ANKHD1: variants seen among roughly 807,000 people sequenced by gnomAD.
ANKHD1 encodes ankyrin repeat and KH domain containing 1.
In ANKHD1, 31 loss-of-function variants were observed where a neutral mutation model predicts 230.5. The observed-to-expected ratio is 0.13, with a 90% CI of 0.10 to 0.18. The LOEUF (loss-of-function observed/expected upper bound fraction) is 0.18, where lower values mean the gene tolerates loss of function less well. Among genes scored for constraint, ANKHD1 ranks in the 10% least tolerant of loss-of-function variants. The pLI, the probability that ANKHD1 is intolerant of heterozygous loss-of-function variation, is 1.00. For synonymous variants in ANKHD1, 1,074 were observed against 1,117.6 expected (o/e 0.96, Z 0.78); for missense variants, 2,256 against 3,071.3 (o/e 0.73, Z 6.27).
At chr5:140,449,819 G>A (rs898664719) in intron 7 of ANKHD1, among the ~76,000 whole-genome samples, 5 of 152,142 alleles carry the variant, frequency 3.3e-5, no homozygotes, top group Admixed American at 6.5e-5. Flanking sequence ...TAATTCTGGA[G>A]ATAGTAGACA....
rs537559397 is a variant in ANKHD1 at position 140,527,455 on chromosome 5, A to G, written c.5087+381A>G. The G allele has an allele frequency of 4.6e-6, 1 of 219,314 alleles. No individual in the cohort carries two copies. 13.6% of individuals were successfully genotyped at this position (219,314 alleles called of 1,614,324 possible). ...GAGGCTTTATTTTTTATTGCTAAGTATGAGCTGTTGATACTGGTTTAAAAT... is the reference window on the plus strand; with the variant it reads ...GAGGCTTTATTTTTTATTGCTAAGTGTGAGCTGTTGATACTGGTTTAAAAT... On this transcript the variant is annotated intron_variant, in intron 27 of 33. Coordinates refer to ENST00000360839, the MANE Select transcript of ANKHD1 (RefSeq NM_017747.3). This position sits in a 1 kb window ranked among gnomAD's most constrained non-coding sequence, Gnocchi z 4.5.
intron 15 of ANKHD1, among the ~76,000 whole-genome samples, chr5:140,502,918 T>C (rs1205053875): frequency 6.6e-6 from 1 of 152,202 alleles, no homozygotes; most frequent in East Asian, 1.9e-4. Context: ...GTTATTTATG[T>C]GATGACAGAA....
chr5:140,517,131 G>T (rs1753059356), intron 24 of ANKHD1, among the ~76,000 whole-genome samples: 2 of 146,916 alleles, frequency 1.4e-5, no homozygotes, highest in Non-Finnish European at 3.0e-5. Context: ...AAAGGCAGGG[G>T]TTGCAATCCT....
At chr5:140,478,180 G>A (rs1751070182) in intron 10 of ANKHD1, among the ~76,000 whole-genome samples, 1 of 151,890 alleles carries the variant, frequency 6.6e-6, no homozygotes, top group South Asian at 2.1e-4. Flanking sequence ...ATATTCTATG[G>A]TATAGAATGA....
At chr5:140,452,284 A>G (rs1774810795) in intron 7 of ANKHD1, among the ~76,000 whole-genome samples, 1 of 152,202 alleles carries the variant, frequency 6.6e-6, no homozygotes, top group African/African-American at 2.4e-5. Context: ...TGTAGACTCC[A>G]CCTCTGGGGG....
At chr5:140,407,830 G>A (rs1581198025) in intron 1 of ANKHD1, among the ~76,000 whole-genome samples, 1 of 152,048 alleles carries the variant, frequency 6.6e-6, no homozygotes, top group Non-Finnish European at 1.5e-5. Flanking sequence ...GAATGTGTGT[G>A]TATATGTGTG....
At chr5:140,520,480 G>A (rs1314910608) in intron 24 of ANKHD1, among the ~76,000 whole-genome samples, 9 of 152,056 alleles carry the variant, frequency 5.9e-5, no homozygotes, top group South Asian at 4.2e-4. Flanking sequence ...ACATGCACAC[G>A]TATGTTTATT....
At chr5:140,482,425 C>T (rs1025937502) in intron 10 of ANKHD1, among the ~76,000 whole-genome samples, 155 bp from the exon 11 acceptor site, 1 of 152,114 alleles carries the variant, frequency 6.6e-6, no homozygotes, top group African/African-American at 2.4e-5. Context: ...GACTGAAAAT[C>T]CTGTATAATG....
chr5:140,478,330 TAAAAC>T (rs1348069564), intron 10 of ANKHD1, among the ~76,000 whole-genome samples: 1 of 148,870 alleles, frequency 6.7e-6, no homozygotes, highest in Non-Finnish European at 1.5e-5. Context: ...CCAAAACAGA[TAAAAC>T]AAGCAAGCAA....
chr5:140,524,280 T>C, intron 25 of ANKHD1, 40 bp downstream of exon 25: 2 of 1,524,758 alleles, frequency 1.3e-6, no homozygotes, highest in Non-Finnish European at 1.7e-6. Flanking sequence ...AAAATTCTCC[T>C]TTGTTTATCA....
At chr5:140,522,803 G>T (rs1394760372) in intron 24 of ANKHD1, among the ~76,000 whole-genome samples, 2 of 152,100 alleles carry the variant, frequency 1.3e-5, no homozygotes, top group Admixed American at 6.5e-5. Context: ...GTGTATGAAG[G>T]TTTCAATTTC....
chr5:140,449,374 AG>A (rs1774527116), intron 7 of ANKHD1, 69 bp downstream of exon 7: 4 of 1,534,252 alleles, frequency 2.6e-6, no homozygotes, highest in Non-Finnish European at 2.7e-6. Context: ...AGCCTTTAAG[AG>A]TGATTAATTG....
chr5:140,444,310 A>C (rs1774105429), intron 5 of ANKHD1, among the ~76,000 whole-genome samples: 1 of 152,138 alleles, frequency 6.6e-6, no homozygotes, highest in South Asian at 2.1e-4. Flanking sequence ...AGGAAATTGC[A>C]TCATCTTCTC....
chr5:140,415,836 C>A (rs1771330078), intron 1 of ANKHD1, among the ~76,000 whole-genome samples: 1 of 151,422 alleles, frequency 6.6e-6, no homozygotes, highest in Non-Finnish European at 1.5e-5. Flanking sequence ...TGTGCACAAC[C>A]TGCAGGTTTG....
chr5:140,419,810 C>CTTTCTT (rs1771764454), intron 1 of ANKHD1, among the ~76,000 whole-genome samples: 1 of 136,286 alleles, frequency 7.3e-6, no homozygotes, highest in South Asian at 2.4e-4. Context: ...TTCTTTCTTT[C>CTTTCTT]TTTCTTTCTT....
At chr5:140,496,384 C>A in intron 14 of ANKHD1, 136 bp from the exon 15 acceptor site, 1 of 885,118 alleles carries the variant, frequency 1.1e-6, no homozygotes, top group Non-Finnish European at 1.6e-6. Context: ...CATTCTATAA[C>A]ATTAGTTATA....
Position 140,496,528 on chromosome 5 carries a change from A to G in ANKHD1, c.2254A>G (p.Lys752Glu), listed in dbSNP as rs1182508010. The G allele has an allele frequency of 1.9e-6, 3 of 1,576,376 alleles. No homozygotes were observed. The highest frequency in any genetic ancestry group is 1.4e-5 in the African/African-American group (1 of 69,958). The change falls in exon 15 of 34, where the codon AAG becomes GAG. Residue 752 changes from lysine (K) to glutamate (E), a missense_variant. Transcript: ENST00000360839. ...ATTTTTCATGTGCTTAGGTACATCC[A>G]AGCAGAAGTCCAGTTCCCTCCAGGT... ...ALLGVQKGTSKQKSSSLQVAD... is the reference protein window; with the variant it reads ...ALLGVQKGTSEQKSSSLQVAD...
At chr5:140,463,868 C>T (rs1417893281) in intron 9 of ANKHD1, among the ~76,000 whole-genome samples, 1 of 151,942 alleles carries the variant, frequency 6.6e-6, no homozygotes, top group East Asian at 1.9e-4. Flanking sequence ...GGTTTCACCA[C>T]GTTGCCCAGG....
Position 140,527,211 on chromosome 5 carries a change from T to C in ANKHD1, c.5087+137T>C, listed in dbSNP as rs1423250099. 9 of 1,278,564 alleles carry C rather than the reference T, an allele frequency of 7.0e-6. No individual in the cohort carries two copies. Among genetic ancestry groups the C allele is most frequent in the Middle Eastern group, 2.8e-4 (1 of 3,606 alleles). 79.2% of individuals were successfully genotyped at this position (1,278,564 alleles called of 1,614,324 possible). ...GCATTGCCACACTAAATCCAGAATA[T>C]GCTAAAGCAAAATTAGAAGCAGTAT... is the stretch of plus-strand genomic sequence containing the variant. On this transcript the variant is annotated intron_variant, in intron 27 of 33. Transcript: ENST00000360839. The surrounding 1 kb of genome is among the most constrained non-coding windows in gnomAD (Gnocchi z 4.5).
Sources: gnomAD v4.1 joint callset for allele counts (sites outside exome capture counted in the v4.1 genomes callset) on GRCh38, gnomAD v4.1.1 for gene constraint, Gnocchi (gnomAD v3.1) non-coding constraint, MANE v1.5 for transcripts, NCBI Gene and HGNC (gene_info 2026-07-23, HGNC 2026-07-21) for gene names.